The following URI1 variants were observed in gnomAD, a reference collection of about 807,000 sequenced individuals.
URI1 encodes URI1 prefoldin like chaperone, also known as unconventional prefoldin RPB5 interactor 1.
Under a neutral mutation model 60.2 loss-of-function variants are expected in URI1, and 39 were observed. The observed-to-expected ratio is 0.65, with a 90% confidence interval of 0.50 to 0.85. URI1 has a LOEUF of 0.85. URI1 is among the 40% of genes least tolerant of loss of function. URI1 has a pLI of 0.00. For synonymous variants in URI1, 251 were observed against 236.8 expected, an observed-to-expected ratio of 1.06 and a Z score of -0.55; for missense variants, 691 against 665.9, an observed-to-expected ratio of 1.04 and a Z score of -0.42.
chr19:29,942,340 G>T lies in URI1; in HGVS notation c.-208G>T. The T allele has an allele frequency of 2.0e-6, 2 of 984,772 alleles. No individual in the cohort carries two copies. The highest frequency in any genetic ancestry group is 2.4e-6 in the Non-Finnish European group (2 of 829,536). 61.0% of individuals were successfully genotyped at this position (984,772 alleles called of 1,614,324 possible). A position where few individuals can be genotyped will look rare whatever the true frequency, so the allele number is the denominator to read the frequency against. ...CCTGCTACTCGGAGCCCGCTGCGGGGCGGCGGCGGCGGGGACATGCACGTG... is the reference window on the plus strand; with the variant it reads ...CCTGCTACTCGGAGCCCGCTGCGGGTCGGCGGCGGCGGGGACATGCACGTG... On this transcript the variant is annotated 5_prime_UTR_variant, in exon 1 of 11. Coordinates refer to ENST00000392271, the MANE Select transcript of URI1 (RefSeq NM_003796.3).
chr19:29,987,588 T>C (rs1475952778), intron 4 of URI1, among the ~76,000 whole-genome samples: 1 of 152,216 alleles, frequency 6.6e-6, no homozygotes, highest in Non-Finnish European at 1.5e-5. Flanking sequence ...AGCCTCTCTT[T>C]ATATACTGAA....
intron 1 of URI1, among the ~76,000 whole-genome samples, chr19:29,935,307 C>T (rs1293476475): frequency 6.6e-6 from 1 of 151,992 alleles, no homozygotes; most frequent in Admixed American, 6.6e-5. Flanking sequence ...ACATCTCTTT[C>T]CCTCCCTCTT....
chr19:29,995,463 A>G (rs1180798382), intron 4 of URI1, among the ~76,000 whole-genome samples: 1 of 151,328 alleles, frequency 6.6e-6, no homozygotes, highest in Non-Finnish European at 1.5e-5. Context: ...TATTCTGGAT[A>G]TTAGTCCCTT....
intron 1 of URI1, among the ~76,000 whole-genome samples, chr19:29,924,487 C>T (rs1423847249): frequency 6.6e-6 from 1 of 152,196 alleles, no homozygotes; most frequent in Non-Finnish European, 1.5e-5. Flanking sequence ...AGCCACCTCG[C>T]TTTCATCCCT....
At chr19:29,949,486 C>T (rs1192955142) in intron 1 of URI1, among the ~76,000 whole-genome samples, 3 of 152,220 alleles carry the variant, frequency 2.0e-5, no homozygotes, top group East Asian at 3.9e-4. Flanking sequence ...GGCAGAGACA[C>T]TCCTCACTTC....
At chr19:29,946,487 T>C (rs1164516437) in intron 1 of URI1, among the ~76,000 whole-genome samples, 1 of 152,200 alleles carries the variant, frequency 6.6e-6, no homozygotes, top group African/African-American at 2.4e-5. Flanking sequence ...TATAGGCTTA[T>C]TTGCAGGATA....
intron 4 of URI1, among the ~76,000 whole-genome samples, chr19:29,991,264 C>G (rs968378028): frequency 2.6e-5 from 4 of 152,132 alleles, no homozygotes; most frequent in Admixed American, 2.6e-4. Context: ...TACAGTGTAT[C>G]TCTGTATTTA....
chr19:30,012,207 T>G, intron 9 of URI1, 78 bp from the exon 10 acceptor site: 1 of 1,479,698 alleles, frequency 6.8e-7, no homozygotes. Flanking sequence ...TAGAATAGAT[T>G]CAAGGAAATT....
chr19:29,994,604 T>C (rs907214555), intron 4 of URI1, among the ~76,000 whole-genome samples: 6 of 151,982 alleles, frequency 3.9e-5, no homozygotes, highest in African/African-American at 1.4e-4. Flanking sequence ...CAGAATTTCC[T>C]TTTTTTTAAG....
chr19:29,975,725 C>T (rs1028845562), intron 2 of URI1, among the ~76,000 whole-genome samples: 6 of 152,084 alleles, frequency 3.9e-5, no homozygotes, highest in African/African-American at 4.8e-5. Flanking sequence ...AGGCTGGTCT[C>T]GAACTCCTGA....
chr19:30,012,635 T>C, intron 10 of URI1, 104 bp downstream of exon 10: 1 of 1,392,976 alleles, frequency 7.2e-7, no homozygotes. Flanking sequence ...CTAGGTTTTA[T>C]ACTTTCTTGG....
At position 30,009,355 on chromosome 19, in the gene URI1, T is replaced by TTTG; in HGVS notation, c.1035+4_1035+6dup. 6.2e-7 allele frequency: 1 copy of TTTG among 1,604,272 alleles called. No individual in the cohort carries two copies. Among genetic ancestry groups the TTTG allele is most frequent in the Non-Finnish European group, 8.5e-7 (1 of 1,173,258 alleles). On this transcript the variant is annotated splice_region_variant and intron_variant, in intron 8 of 10. Coordinates refer to ENST00000392271, the MANE Select transcript of URI1 (RefSeq NM_003796.3). The stretch of plus-strand genomic sequence containing the variant: ...TCACATACTGTTGAGCCTAAGAGGG[T>TTTG]TTGTATACTTTTAACTTTACTAATT...
chr19:29,935,415 G>C (rs2054960248), intron 1 of URI1, among the ~76,000 whole-genome samples: 1 of 152,004 alleles, frequency 6.6e-6, no homozygotes, highest in Non-Finnish European at 1.5e-5. Flanking sequence ...TAAATGATAG[G>C]TGAAAAACAA....
At position 29,948,845 on chromosome 19, in the gene URI1, G is replaced by T. The variant is rs558531494; in HGVS notation, c.117+6181G>T. ...CGTCATCATGGCCTGTTCTCAGTGA[G>T]CTGTTGGGTACACCTGCCACACGGG... On this transcript the variant is annotated intron_variant, in intron 1 of 10. Transcript: ENST00000392271. Among the ~76,000 whole-genome samples the T allele has an allele frequency of 2.4e-4, 37 of 152,328 alleles. 1 individual carries two copies. In the South Asian group the frequency reaches 5.2e-3, roughly 21 times the overall value.
At chr19:29,950,573 T>C (rs992560348) in intron 1 of URI1, among the ~76,000 whole-genome samples, 1 of 152,184 alleles carries the variant, frequency 6.6e-6, no homozygotes, top group Non-Finnish European at 1.5e-5. Context: ...TTTTTTTCCC[T>C]TTTCCCCCTG....
intron 1 of URI1, among the ~76,000 whole-genome samples, chr19:29,959,165 A>G (rs560120901): frequency 6.6e-6 from 1 of 152,196 alleles, no homozygotes; most frequent in Admixed American, 6.5e-5. Flanking sequence ...TCTCGCTCTC[A>G]TCCAGGCTGG....
intron 1 of URI1, among the ~76,000 whole-genome samples, chr19:29,928,885 G>T (rs1353538601): frequency 6.6e-6 from 1 of 152,182 alleles, no homozygotes; most frequent in Non-Finnish European, 1.5e-5. Flanking sequence ...ACTCATTTAG[G>T]GACATTTGCA....
rs1490284350 is a variant in URI1 at position 29,944,181 on chromosome 19, A to G, written c.117+1517A>G. Among the ~76,000 whole-genome samples, 5 of 90,842 alleles carry G rather than the reference A, an allele frequency of 5.5e-5. 2 individuals are homozygous for G. The highest frequency in any genetic ancestry group is 3.6e-4 in the Admixed American group (3 of 8,382). The allele number at this position is 90,842 out of a possible 152,430, so 59.6% of individuals were successfully genotyped here. On this transcript the variant is annotated intron_variant, in intron 1 of 10. Transcript: ENST00000392271. The stretch of plus-strand genomic sequence containing the variant: ...TATATATATATATATATATATATAT[A>G]TATATATATATAAAACTTAACTAGT...
chr19:29,942,344 C>T lies in URI1; in HGVS notation c.-204C>T, dbSNP rs1006273904. On this transcript the variant is annotated 5_prime_UTR_variant, in exon 1 of 11. Coordinates refer to ENST00000392271, the MANE Select transcript of URI1 (RefSeq NM_003796.3). ...CTACTCGGAGCCCGCTGCGGGGCGG[C>T]GGCGGCGGGGACATGCACGTGTGAG... is the stretch of plus-strand genomic sequence containing the variant. 5.1e-6 allele frequency: 5 copies of T among 984,820 alleles called. No homozygotes were observed. The highest frequency in any genetic ancestry group is 6.0e-6 in the Non-Finnish European group (5 of 829,650). 61.0% of individuals were successfully genotyped at this position (984,820 alleles called of 1,614,324 possible).
Sources: gnomAD v4.1 joint callset for allele counts (sites outside exome capture counted in the v4.1 genomes callset) on GRCh38, gnomAD v4.1.1 for gene constraint, MANE v1.5 for transcripts, NCBI Gene and HGNC (gene_info 2026-07-23, HGNC 2026-07-21) for gene names.